Variants in PTPRD observed in about 807,000 individuals in gnomAD.
The protein encoded by PTPRD is protein tyrosine phosphatase receptor type D.
In PTPRD, 34 loss-of-function variants were observed where a neutral mutation model predicts 214.5. The observed-to-expected ratio is 0.16, with a 90% CI of 0.12 to 0.21. The LOEUF is 0.21. Ranked by LOEUF, PTPRD falls within the 10% of genes least tolerant of loss-of-function variation. The pLI is 1.00. For missense variants in PTPRD, 2,545 were observed against 2,398.7 expected, an observed-to-expected ratio of 1.06 and a Z score of -1.27; for synonymous variants, 1,128 against 845.7, an observed-to-expected ratio of 1.33 and a Z score of -5.79.
chr9:10,307,960 T>C (rs1278387093), intron 3 of PTPRD, among the ~76,000 whole-genome samples: 1 of 152,058 alleles, frequency 6.6e-6, no homozygotes, highest in African/African-American at 2.4e-5. Context: ...GTATTCTGGA[T>C]CTTAGTTCCT....
chr9:9,587,387 T>A (rs900719057), intron 7 of PTPRD, among the ~76,000 whole-genome samples: 1 of 152,054 alleles, frequency 6.6e-6, no homozygotes, highest in African/African-American at 2.4e-5. Flanking sequence ...ACAAATTAAC[T>A]TAGGCACAGA....
chr9:8,992,221 A>T (rs1361887676), intron 11 of PTPRD, among the ~76,000 whole-genome samples: 1 of 152,184 alleles, frequency 6.6e-6, no homozygotes, highest in African/African-American at 2.4e-5. Context: ...AAGTGTAAAC[A>T]TATCAAACTG....
intron 4 of PTPRD, among the ~76,000 whole-genome samples, chr9:10,031,847 C>G (rs1017168067): frequency 6.6e-6 from 1 of 151,162 alleles, no homozygotes; most frequent in Non-Finnish European, 1.5e-5. Context: ...TTTTTGAAGA[C>G]AAGAGATGGT....
chr9:9,011,633 C>G (rs1023204042), intron 11 of PTPRD, among the ~76,000 whole-genome samples: 6 of 152,080 alleles, frequency 3.9e-5, no homozygotes, highest in African/African-American at 9.7e-5. Context: ...TAGGAAATGC[C>G]CATTGTACTT....
chr9:9,604,213 T>C (rs1039007619), intron 7 of PTPRD, among the ~76,000 whole-genome samples: 2 of 152,122 alleles, frequency 1.3e-5, no homozygotes, highest in South Asian at 2.1e-4. Flanking sequence ...TACTATTTCA[T>C]TGAAAACACA....
intron 11 of PTPRD, among the ~76,000 whole-genome samples, chr9:8,972,245 T>G (rs1337317029): frequency 6.6e-6 from 1 of 151,910 alleles, no homozygotes; most frequent in Non-Finnish European, 1.5e-5. Flanking sequence ...AAATGCATGT[T>G]AAATTTTAGT....
intron 10 of PTPRD, among the ~76,000 whole-genome samples, chr9:9,135,857 G>A (rs10977516): frequency 0.039 from 5,828 of 149,234 alleles, 235 homozygotes; most frequent in African/African-American, 0.092. Flanking sequence ...ACAGTTTTCT[G>A]TCATCCCTCT....
chr9:9,700,860 G>T (rs796812073), intron 7 of PTPRD, among the ~76,000 whole-genome samples: 33 of 152,132 alleles, frequency 2.2e-4, no homozygotes, highest in African/African-American at 6.0e-4. Context: ...AAAAAATGTG[G>T]CTTCTGCCAT....
rs1188087769 is a variant in PTPRD at position 9,477,964 on chromosome 9, A to G, written c.-236-80482T>C. 2.0e-5 allele frequency among the ~76,000 whole-genome samples: 3 copies of G among 152,322 alleles called. No individual in the cohort carries two copies. The East Asian group carries it at 5.8e-4, about 29-fold the overall frequency. On this transcript the variant is annotated intron_variant, in intron 8 of 45. Coordinates refer to ENST00000381196, the MANE Select transcript of PTPRD (RefSeq NM_002839.4). ...TTTGTGTATCTTCTAAAAGCCACCC[A>G]GGATTGATAACCACTGGTCTCAAAA...
chr9:9,621,730 A>T (rs1304561020), intron 7 of PTPRD, among the ~76,000 whole-genome samples: 3 of 152,202 alleles, frequency 2.0e-5, no homozygotes, highest in Non-Finnish European at 2.9e-5. Flanking sequence ...TAAAGTGTGA[A>T]GTGGAGCACG....
At chr9:8,598,332 G>C (rs1015663721) in intron 14 of PTPRD, among the ~76,000 whole-genome samples, 2 of 151,892 alleles carry the variant, frequency 1.3e-5, no homozygotes, top group African/African-American at 4.8e-5. Flanking sequence ...TGCTCCTTTG[G>C]TCCCAGGTAT....
At chr9:10,371,978 G>A (rs2154478123) in intron 2 of PTPRD, among the ~76,000 whole-genome samples, 1 of 152,142 alleles carries the variant, frequency 6.6e-6, no homozygotes, top group African/African-American at 2.4e-5. Context: ...AAGATGTGAT[G>A]CTAATGGCTA....
chr9:10,486,548 T>G (rs1269396327), intron 2 of PTPRD, among the ~76,000 whole-genome samples: 1 of 152,190 alleles, frequency 6.6e-6, no homozygotes, highest in Non-Finnish European at 1.5e-5. Flanking sequence ...ATATGTCTTC[T>G]TAGTTTCTTT....
chr9:9,974,062 T>C (rs1019909630), intron 4 of PTPRD, among the ~76,000 whole-genome samples: 3 of 152,316 alleles, frequency 2.0e-5, no homozygotes, highest in South Asian at 2.1e-4. Context: ...AATTATATTA[T>C]GGAAACAGCT....
At chr9:9,378,731 C>T (rs1343115253) in intron 9 of PTPRD, among the ~76,000 whole-genome samples, 6 of 151,774 alleles carry the variant, frequency 4.0e-5, no homozygotes. Flanking sequence ...AGTTGTATAT[C>T]GTTGTTTGAA....
intron 8 of PTPRD, among the ~76,000 whole-genome samples, chr9:9,436,119 C>T (rs977334104): frequency 2.0e-4 from 31 of 152,226 alleles, no homozygotes; most frequent in Non-Finnish European, 8.8e-5. Context: ...GTAGGATGAC[C>T]CTGGGTCAAT....
chr9:9,896,183 A>C (rs1318713085), intron 5 of PTPRD, among the ~76,000 whole-genome samples: 4 of 152,028 alleles, frequency 2.6e-5, no homozygotes, highest in Non-Finnish European at 5.9e-5. Flanking sequence ...GCATATGAAA[A>C]TGTGAAAGTC....
intron 2 of PTPRD, among the ~76,000 whole-genome samples, chr9:10,393,289 G>T (rs1448166500): frequency 7.1e-6 from 1 of 140,360 alleles, no homozygotes; most frequent in Non-Finnish European, 1.6e-5. Flanking sequence ...CTGCTATTTT[G>T]TGTGTGTGTG....
At chr9:8,416,262 T>G (rs1216683923) in intron 35 of PTPRD, among the ~76,000 whole-genome samples, 2 of 152,168 alleles carry the variant, frequency 1.3e-5, no homozygotes, top group Non-Finnish European at 2.9e-5. Context: ...GTACTTTTGT[T>G]AAAATATATA....
Sources: gnomAD v4.1 joint callset for allele counts (sites outside exome capture counted in the v4.1 genomes callset) on GRCh38, gnomAD v4.1.1 for gene constraint, MANE v1.5 for transcripts, NCBI Gene and HGNC (gene_info 2026-07-23, HGNC 2026-07-21) for gene names.